Variants in SORCS3 observed in about 807,000 individuals in gnomAD.
SORCS3 encodes the protein sortilin related VPS10 domain containing receptor 3, also known as VPS10 domain-containing receptor SorCS3.
Under a neutral mutation model 146.3 loss-of-function variants are expected in SORCS3, and 57 were observed. That is an observed-to-expected ratio of 0.39 (90% confidence interval 0.31 to 0.49). SORCS3 has a LOEUF of 0.49. Ranked by LOEUF, SORCS3 falls within the 20% of genes least tolerant of loss-of-function variation. SORCS3 has a pLI of 0.92. For synonymous variants in SORCS3, 653 were observed against 618.5 expected (o/e 1.06, Z -0.83); for missense variants, 1,341 against 1,575.5 (o/e 0.85, Z 2.52).
intron 20 of SORCS3, 32 bp downstream of exon 20, chr10:105,223,281 A>G (rs758325213): frequency 1.9e-6 from 3 of 1,589,282 alleles, no homozygotes; most frequent in East Asian, 2.3e-5. Flanking sequence ...GTCAAATTAG[A>G]TCTGTACTGA....
intron 1 of SORCS3, among the ~76,000 whole-genome samples, chr10:104,791,442 T>C (rs1229783139): frequency 2.0e-5 from 3 of 152,178 alleles, no homozygotes; most frequent in African/African-American, 7.2e-5. Flanking sequence ...GCAAGTAAGA[T>C]ATTGCCTGTG....
At chr10:105,262,078 T>A (rs186608713) in intron 25 of SORCS3, among the ~76,000 whole-genome samples, 1 of 152,168 alleles carries the variant, frequency 6.6e-6, no homozygotes, top group Non-Finnish European at 1.5e-5. Context: ...ACCTTCTTGT[T>A]TTTTACCCAC....
At chr10:104,701,347 A>G (rs1049197585) in intron 1 of SORCS3, among the ~76,000 whole-genome samples, 4 of 152,224 alleles carry the variant, frequency 2.6e-5, no homozygotes, top group Non-Finnish European at 5.9e-5. Flanking sequence ...GAGATTTTCA[A>G]AGGAATATTA....
chr10:104,824,551 AG>A (rs1247140141), intron 1 of SORCS3, among the ~76,000 whole-genome samples: 5 of 152,346 alleles, frequency 3.3e-5, no homozygotes, highest in Non-Finnish European at 7.3e-5. Flanking sequence ...AGTTGGTGAT[AG>A]GGTATTCACT....
intron 23 of SORCS3, among the ~76,000 whole-genome samples, chr10:105,255,421 G>A (rs1366594751): frequency 1.3e-5 from 2 of 152,008 alleles, no homozygotes; most frequent in African/African-American, 2.4e-5. Flanking sequence ...ATGTATACAT[G>A]TGTAACTAAC....
At chr10:104,750,141 G>C (rs766607230) in intron 1 of SORCS3, among the ~76,000 whole-genome samples, 2 of 152,112 alleles carry the variant, frequency 1.3e-5, no homozygotes, top group Non-Finnish European at 2.9e-5. Flanking sequence ...GGAATGGTGG[G>C]CTTGAAAATG....
At chr10:104,923,466 C>T (rs2019108294) in intron 3 of SORCS3, among the ~76,000 whole-genome samples, 1 of 152,236 alleles carries the variant, frequency 6.6e-6, no homozygotes, top group Admixed American at 6.5e-5. Context: ...CTGAAACACA[C>T]TGGCTCTGCT....
intron 1 of SORCS3, among the ~76,000 whole-genome samples, chr10:104,751,947 ATATATATATATATATATAT>A (rs2016991161): frequency 2.6e-5 from 3 of 115,222 alleles, no homozygotes; most frequent in Admixed American, 8.4e-5. Context: ...ATATATATAT[ATATATATATATATATATAT>A]ATAATAGTTT....
At chr10:104,851,373 A>T (rs2018272389) in intron 2 of SORCS3, among the ~76,000 whole-genome samples, 1 of 152,138 alleles carries the variant, frequency 6.6e-6, no homozygotes, top group South Asian at 2.1e-4. Flanking sequence ...TTTCCTCCAA[A>T]TGCAACACCA....
In SORCS3 at chr10:104,678,219, A is replaced by G. The variant is rs572579545; in HGVS notation, c.627+36265A>G. 1.8e-4 allele frequency among the ~76,000 whole-genome samples: 25 copies of G among 138,854 alleles called. No individual in the cohort carries two copies. The South Asian group carries it at 5.5e-3, about 30-fold the overall frequency. 91.1% of individuals were successfully genotyped at this position (138,854 alleles called of 152,430 possible). On this transcript the variant is annotated intron_variant, in intron 1 of 26. Coordinates refer to ENST00000369701, the MANE Select transcript of SORCS3 (RefSeq NM_014978.3). ...TTAGGCTTTAGTAATAAAAAGCCCT[A>G]TTTGATCAAGGAGGTTCTCGTTATT... is the stretch of plus-strand genomic sequence containing the variant.
At chr10:105,036,482 G>C (rs1341186178) in intron 4 of SORCS3, among the ~76,000 whole-genome samples, 1 of 152,116 alleles carries the variant, frequency 6.6e-6, no homozygotes, top group Non-Finnish European at 1.5e-5. Context: ...AAACCAGCTG[G>C]GAGCAGTGGC....
At chr10:105,134,038 A>C (rs1220626811) in intron 7 of SORCS3, among the ~76,000 whole-genome samples, 2 of 152,208 alleles carry the variant, frequency 1.3e-5, no homozygotes, top group African/African-American at 4.8e-5. Flanking sequence ...ATAGACATGC[A>C]TGTCAATTAC....
intron 4 of SORCS3, among the ~76,000 whole-genome samples, chr10:104,997,543 T>C (rs2055034418): frequency 6.6e-6 from 1 of 152,174 alleles, no homozygotes; most frequent in African/African-American, 2.4e-5. Flanking sequence ...CCACTGTAGA[T>C]GCTTCCAGTC....
At chr10:105,094,142 T>C (rs571479858) in intron 6 of SORCS3, among the ~76,000 whole-genome samples, 1 of 152,202 alleles carries the variant, frequency 6.6e-6, no homozygotes, top group African/African-American at 2.4e-5. Context: ...ATTCCATTTA[T>C]GTGATCTTAT....
chr10:104,798,901 T>C, intron 1 of SORCS3, among the ~76,000 whole-genome samples: 1 of 152,206 alleles, frequency 6.6e-6, no homozygotes, highest in East Asian at 1.9e-4. Context: ...GAATAGACAC[T>C]TCTCAAAAGA....
At chr10:104,801,680 C>T (rs1318323876) in intron 1 of SORCS3, among the ~76,000 whole-genome samples, 3 of 152,142 alleles carry the variant, frequency 2.0e-5, no homozygotes, top group Admixed American at 6.5e-5. Context: ...CATCTTAGGA[C>T]TTTCATCTAG....
intron 5 of SORCS3, among the ~76,000 whole-genome samples, chr10:105,075,724 A>G (rs903664062): frequency 6.6e-6 from 1 of 152,120 alleles, no homozygotes; most frequent in Non-Finnish European, 1.5e-5. Flanking sequence ...AGAGGGGAAA[A>G]TCATAATGCC....
intron 1 of SORCS3, among the ~76,000 whole-genome samples, chr10:104,685,628 C>A (rs2016035059): frequency 6.6e-6 from 1 of 152,186 alleles, no homozygotes; most frequent in Admixed American, 6.5e-5. Flanking sequence ...TAAGCCCTGG[C>A]CCACCTTCCC....
intron 4 of SORCS3, among the ~76,000 whole-genome samples, chr10:105,016,348 A>G (rs893907989): frequency 6.7e-6 from 1 of 149,374 alleles, no homozygotes; most frequent in Admixed American, 6.7e-5. Context: ...ATAAGGTTTC[A>G]CCATGTTGGC....
Sources: allele counts gnomAD v4.1 joint callset (sites outside exome capture counted in the v4.1 genomes callset), GRCh38; gene constraint gnomAD v4.1.1; transcripts MANE v1.5; gene names NCBI Gene and HGNC (gene_info 2026-07-23, HGNC 2026-07-21).